MARF1: variants seen among roughly 807,000 people sequenced by gnomAD.
MARF1 encodes limkain-b1.
In MARF1, 24 loss-of-function variants were observed where a neutral mutation model predicts 168.2. The observed-to-expected ratio is 0.14, with a 90% CI of 0.10 to 0.20. The LOEUF is 0.20. Among genes scored for constraint, MARF1 ranks in the 10% least tolerant of loss-of-function variants. The pLI, the probability that MARF1 is intolerant of heterozygous loss-of-function variation, is 1.00. For synonymous variants in MARF1, 868 were observed against 822.4 expected (o/e 1.06, Z -0.95); for missense variants, 1,744 against 2,143.6 (o/e 0.81, Z 3.68).
intron 11 of MARF1, among the ~76,000 whole-genome samples, chr16:15,622,683 A>G (rs2034551634): frequency 6.6e-6 from 1 of 152,218 alleles, no homozygotes; most frequent in South Asian, 2.1e-4. Flanking sequence ...ATGCCTGGCC[A>G]CAAATTGCCA....
rs2034781682 is a variant in MARF1 at position 15,625,485 on chromosome 16, A to G, written c.1840T>C (p.Cys614Arg). ...TGTTCACTTGCATCTTTGATGAGGC[A>G]CAATTTTGGATTCTTAAGTTTTTTG... ...SPKKLKNPKL[C>R]LIKDASEQSS... Residue 614 changes from cysteine to arginine, a missense_variant, in exon 8 of 27, where the codon TGC becomes CGC. Around this residue, in one of 7 missense-constraint regions of MARF1, gnomAD observed 270 missense variants for 260.6 expected, o/e 1.04. Coordinates refer to ENST00000396368, the MANE Select transcript of MARF1 (RefSeq NM_014647.4). 1 of 1,614,108 alleles carries G rather than the reference A, an allele frequency of 6.2e-7. No individual in the cohort carries two copies. Among genetic ancestry groups the G allele is most frequent in the Non-Finnish European group, 8.5e-7 (1 of 1,180,042 alleles).
At position 15,615,418 on chromosome 16, in the gene MARF1, G is replaced by A. The variant is rs145405842; in HGVS notation, c.3253+412C>T. Among the ~76,000 whole-genome samples the A allele has an allele frequency of 2.6e-3, 389 of 152,238 alleles. 5 individuals carry two copies. The highest frequency in any genetic ancestry group is 8.7e-3 in the African/African-American group (361 of 41,542). ...AGGCAAGTGGATAATGAGGTCAAGAGATCAAGACCATCCTGGCCAATATGG... is the reference window on the plus strand; with the variant it reads ...AGGCAAGTGGATAATGAGGTCAAGAAATCAAGACCATCCTGGCCAATATGG... On this transcript the variant is annotated intron_variant, in intron 16 of 26. Coordinates refer to ENST00000396368, the MANE Select transcript of MARF1 (RefSeq NM_014647.4).
chr16:15,612,120 G>A (rs973720113), intron 17 of MARF1, among the ~76,000 whole-genome samples: 1 of 152,164 alleles, frequency 6.6e-6, no homozygotes, highest in Non-Finnish European at 1.5e-5. Context: ...GAGTTAACTG[G>A]TAAAAGTCTT....
chr16:15,641,441 T>TA (rs555128383), intron 1 of MARF1, among the ~76,000 whole-genome samples: 285 of 152,368 alleles, frequency 1.9e-3, no homozygotes, highest in Admixed American at 4.5e-3. Flanking sequence ...GTTCATAACT[T>TA]AAACATTCTC....
At chr16:15,638,773 T>C (rs1045849657) in intron 2 of MARF1, among the ~76,000 whole-genome samples, 1 of 152,214 alleles carries the variant, frequency 6.6e-6, no homozygotes, top group Admixed American at 6.5e-5. Context: ...ACAACATATT[T>C]TGTATTTTCC....
intron 21 of MARF1, among the ~76,000 whole-genome samples, chr16:15,605,208 C>T (rs1348627636): frequency 1.3e-5 from 2 of 152,208 alleles, no homozygotes; most frequent in African/African-American, 4.8e-5. Flanking sequence ...TCCGGCACTG[C>T]TCTCACAAAC....
chr16:15,637,533 G>A (rs963938577), intron 2 of MARF1, among the ~76,000 whole-genome samples: 2 of 152,228 alleles, frequency 1.3e-5, no homozygotes, highest in African/African-American at 4.8e-5. Flanking sequence ...AGTTCAGACT[G>A]AAATTAACAC....
At chr16:15,618,727 C>T (rs1036637908) in intron 13 of MARF1, among the ~76,000 whole-genome samples, 3 of 152,180 alleles carry the variant, frequency 2.0e-5, no homozygotes, top group Non-Finnish European at 2.9e-5. Context: ...CAAATGACTG[C>T]CCTATCTCCA....
intron 21 of MARF1, among the ~76,000 whole-genome samples, chr16:15,605,201 G>A (rs555557964): frequency 1.1e-4 from 16 of 152,144 alleles, no homozygotes; most frequent in Non-Finnish European, 2.1e-4. Flanking sequence ...ACACGGCTCC[G>A]GCACTGCTCT....
At position 15,622,944 on chromosome 16, in the gene MARF1, C is replaced by T; in HGVS notation, c.2450G>A (p.Arg817Lys). The T allele has an allele frequency of 6.4e-7, 1 of 1,564,526 alleles. No individual in the cohort carries two copies. The highest frequency in any genetic ancestry group is 8.7e-7 in the Non-Finnish European group (1 of 1,144,456). The change falls in exon 11 of 27, where the codon AGG (arginine) becomes AAG (lysine). Residue 817 changes from arginine (R) to lysine (K), a missense_variant. This residue lies in a region of MARF1 where 543 missense variants were observed against 742.1 expected (regional missense o/e 0.73). Transcript: ENST00000396368. Reference sequence around the variant, plus strand: ...GAGGGAAAAAGTTACCTTGCCATGCCTGGCAAATGCTTCCTGCAGGAGCTG... The same window carrying T: ...GAGGGAAAAAGTTACCTTGCCATGCTTGGCAAATGCTTCCTGCAGGAGCTG... ...LQQLLQEAFARHGKVKSVELS... is the reference protein window; with the variant it reads ...LQQLLQEAFAKHGKVKSVELS...
In MARF1 at chr16:15,622,629, C is replaced by T. The variant is rs190809150; in HGVS notation, c.2460+305G>A. ...AACTCCTGACCTCAGGTGATCTGGC[C>T]GCCTTGGCCTCCCAAAGTGCTGGAA... On this transcript the variant is annotated intron_variant, in intron 11 of 26. Coordinates refer to ENST00000396368, the MANE Select transcript of MARF1 (RefSeq NM_014647.4). Among the ~76,000 whole-genome samples, 5 of 152,262 alleles carry T rather than the reference C, an allele frequency of 3.3e-5. No homozygotes were observed. The East Asian group carries it at 7.7e-4, about 24-fold the overall frequency.
chr16:15,624,165 C>T (rs533124637), intron 10 of MARF1, among the ~76,000 whole-genome samples: 4 of 151,818 alleles, frequency 2.6e-5, no homozygotes, highest in African/African-American at 7.3e-5. Flanking sequence ...ATGATCCTCC[C>T]GCCTCGGCCT....
chr16:15,602,616 G>A (rs747420944), intron 22 of MARF1: 4 of 116,922 alleles, frequency 3.4e-5, no homozygotes, highest in East Asian at 2.7e-4. Context: ...AAGAAAGGAG[G>A]AGGAGGAAGG....
chr16:15,613,520 GGCGTGGTGGCAGGCACCTGTAGTCCCA>G (rs2033759641), intron 16 of MARF1, among the ~76,000 whole-genome samples: 2 of 151,652 alleles, frequency 1.3e-5, no homozygotes, highest in Admixed American at 1.3e-4. Context: ...AAATTAGCCG[GGCGTGGTGGCAGGCACCTGTAGTCCCA>G]GCTACTCAGG....
intron 8 of MARF1, 97 bp from the exon 9 acceptor site, chr16:15,625,270 C>G: frequency 6.4e-7 from 1 of 1,551,400 alleles, no homozygotes; most frequent in Non-Finnish European, 8.7e-7. Context: ...TCATCAAACA[C>G]TGAAATCAAA....
chr16:15,630,269 GCTGT>G, intron 7 of MARF1, 59 bp downstream of exon 7: 1 of 1,476,086 alleles, frequency 6.8e-7, no homozygotes, highest in Non-Finnish European at 9.2e-7. Flanking sequence ...CTTATTATGG[GCTGT>G]CTTTCAGCCT....
intron 11 of MARF1, among the ~76,000 whole-genome samples, chr16:15,622,391 T>A (rs1314765317): frequency 2.7e-4 from 38 of 141,754 alleles, no homozygotes; most frequent in Non-Finnish European, 4.6e-5. Flanking sequence ...TCAAATTGCC[T>A]TTTTTTTTTT....
intron 6 of MARF1, among the ~76,000 whole-genome samples, chr16:15,631,065 G>A (rs986634177): frequency 6.6e-6 from 1 of 152,170 alleles, no homozygotes; most frequent in African/African-American, 2.4e-5. Context: ...GGGAGGCGGA[G>A]GTTGCAGTGA....
chr16:15,628,409 CT>C (rs931390727), intron 7 of MARF1, among the ~76,000 whole-genome samples: 4 of 147,976 alleles, frequency 2.7e-5, no homozygotes, highest in Non-Finnish European at 1.5e-5. Context: ...TCTTTTCTTT[CT>C]TTTTTTTTTA....
Sources: allele counts gnomAD v4.1 joint callset (sites outside exome capture counted in the v4.1 genomes callset), GRCh38; gene constraint gnomAD v4.1.1; regional missense constraint gnomAD v4.1.1; transcripts MANE v1.5; gene names NCBI Gene and HGNC (gene_info 2026-07-23, HGNC 2026-07-21).